RGS8: variants seen among roughly 807,000 people sequenced by gnomAD.
RGS8 encodes regulator of G-protein signaling 8.
Under a neutral mutation model 21.7 loss-of-function variants are expected in RGS8, and 8 were observed. The ratio of observed to expected loss-of-function variants is 0.37; its 90% CI spans 0.22 to 0.66. The LOEUF is 0.66. RGS8 is among the 30% of genes least tolerant of loss of function. The pLI is 0.59. For missense variants in RGS8, 157 were observed against 217.9 expected (o/e 0.72, Z 1.76); for synonymous variants, 80 against 83.6 (o/e 0.96, Z 0.24).
the RGS8 span, among the ~76,000 whole-genome samples, chr1:182,723,993 CT>C: frequency 6.6e-6 from 1 of 151,648 alleles, no homozygotes; most frequent in South Asian, 2.1e-4. Flanking sequence ...ATAGTTAATA[CT>C]GAGTGTCAAC....
the RGS8 span, among the ~76,000 whole-genome samples, chr1:182,733,640 G>A: frequency 6.6e-6 from 1 of 152,132 alleles, no homozygotes; most frequent in Admixed American, 6.5e-5. Context: ...GATTGAGGAA[G>A]CAAAGCAGAT....
At chr1:182,691,942 A>G in the RGS8 span, among the ~76,000 whole-genome samples, 1 of 152,160 alleles carries the variant, frequency 6.6e-6, no homozygotes, top group Non-Finnish European at 1.5e-5. Context: ...CCTAAATCTA[A>G]TAAACAACTT....
At chr1:182,747,525 A>G in the RGS8 span, among the ~76,000 whole-genome samples, 3 of 152,180 alleles carry the variant, frequency 2.0e-5, no homozygotes, top group African/African-American at 7.2e-5. Context: ...TCTGATCTGT[A>G]CTTGCAAACA....
At chr1:182,740,061 T>G in the RGS8 span, among the ~76,000 whole-genome samples, 2 of 152,160 alleles carry the variant, frequency 1.3e-5, no homozygotes, top group East Asian at 3.9e-4. Context: ...TCATATGGAA[T>G]TGTGTACTTG....
At chr1:182,668,326 T>C (rs148501642) in intron 3 of RGS8, among the ~76,000 whole-genome samples, 200 of 152,362 alleles carry the variant, frequency 1.3e-3, no homozygotes, top group African/African-American at 4.6e-3. Flanking sequence ...CTTGCACATT[T>C]GCAACAATTT....
chr1:182,691,512 G>C, the RGS8 span, among the ~76,000 whole-genome samples: 16 of 142,566 alleles, frequency 1.1e-4, no homozygotes, highest in Non-Finnish European at 2.1e-4. Flanking sequence ...CAATAAATAT[G>C]ATCCATCACA....
the RGS8 span, among the ~76,000 whole-genome samples, chr1:182,700,954 T>A: frequency 6.6e-6 from 1 of 152,244 alleles, no homozygotes; most frequent in African/African-American, 2.4e-5. Context: ...TCCAATATTC[T>A]AAGCTTCCCC....
chr1:182,656,456 C>A (rs1007142950), intron 5 of RGS8, among the ~76,000 whole-genome samples: 3 of 152,230 alleles, frequency 2.0e-5, no homozygotes, highest in African/African-American at 7.2e-5. Context: ...CCTAAAGTCT[C>A]TTCTCTCCCA....
At chr1:182,709,587 C>A in the RGS8 span, among the ~76,000 whole-genome samples, 1 of 152,170 alleles carries the variant, frequency 6.6e-6, no homozygotes, top group Non-Finnish European at 1.5e-5. Flanking sequence ...TAACCACATA[C>A]CAAGGAGTGT....
downstream of RGS8, chr1:182,644,954 C>G (rs754871812): frequency 1.3e-5 from 2 of 152,092 alleles, no homozygotes; most frequent in Admixed American, 1.3e-4. Context: ...TCTTCTCTCC[C>G]CTTGAGGTTC....
the RGS8 span, among the ~76,000 whole-genome samples, chr1:182,720,967 GTATATATACATATATACACATATATA>G: frequency 6.5e-5 from 3 of 45,996 alleles, 1 homozygote; most frequent in African/African-American, 3.0e-4. Context: ...ACATATGTGT[GTATATATACATATATACACATATATA>G]TGTGTGTATA....
At chr1:182,660,157 A>C (rs1020129434) in intron 5 of RGS8, among the ~76,000 whole-genome samples, 2 of 152,230 alleles carry the variant, frequency 1.3e-5, no homozygotes, top group African/African-American at 2.4e-5. Context: ...AGAAGTCATC[A>C]TGATTAGCAT....
At chr1:182,737,083 C>T in the RGS8 span, among the ~76,000 whole-genome samples, 3 of 152,112 alleles carry the variant, frequency 2.0e-5, no homozygotes, top group East Asian at 5.8e-4. Flanking sequence ...CTATTCTTGC[C>T]TCTTCCAGCT....
the RGS8 span, among the ~76,000 whole-genome samples, chr1:182,712,021 C>T: frequency 6.6e-6 from 1 of 152,150 alleles, no homozygotes; most frequent in Admixed American, 6.6e-5. Flanking sequence ...ATGTCAGGAA[C>T]CCTATAAGTA....
At chr1:182,702,878 C>A in the RGS8 span, among the ~76,000 whole-genome samples, 7 of 152,336 alleles carry the variant, frequency 4.6e-5, no homozygotes, top group African/African-American at 1.7e-4. Flanking sequence ...TGTACATTCA[C>A]AGCCCATCTA....
intron 5 of RGS8, among the ~76,000 whole-genome samples, chr1:182,662,052 C>T (rs1466927465): frequency 6.6e-6 from 1 of 152,168 alleles, no homozygotes; most frequent in African/African-American, 2.4e-5. Context: ...CCTGGACCTC[C>T]ATGGGTGCTT....
intron 1 of RGS8, among the ~76,000 whole-genome samples, chr1:182,682,814 A>T (rs1354302579): frequency 6.6e-6 from 1 of 152,186 alleles, no homozygotes; most frequent in Non-Finnish European, 1.5e-5. Flanking sequence ...CTTAACAGAA[A>T]GATGAGGGTT....
the RGS8 span, among the ~76,000 whole-genome samples, chr1:182,745,113 C>A: frequency 6.6e-6 from 1 of 152,186 alleles, no homozygotes; most frequent in East Asian, 1.9e-4. Context: ...CAGAAAGCTT[C>A]CTTTCAAGAA....
chr1:182,725,262 A>G, the RGS8 span, among the ~76,000 whole-genome samples: 1 of 152,166 alleles, frequency 6.6e-6, no homozygotes, highest in South Asian at 2.1e-4. Context: ...GTCCAAAACA[A>G]TGCCCCCCAA....
Sources: allele counts gnomAD v4.1 joint callset (sites outside exome capture counted in the v4.1 genomes callset), GRCh38; gene constraint gnomAD v4.1.1; transcripts MANE v1.5; gene names NCBI Gene and HGNC (gene_info 2026-07-23, HGNC 2026-07-21).